Variants in USP42 observed in about 807,000 individuals in gnomAD.
USP42 encodes the protein ubiquitin specific peptidase 42.
In USP42, 23 loss-of-function variants were observed where a neutral mutation model predicts 113.0. That is an observed-to-expected ratio of 0.20 (90% CI 0.15 to 0.29). The LOEUF (loss-of-function observed/expected upper bound fraction) is 0.29, where lower values mean the gene tolerates loss of function less well. Among genes scored for constraint, USP42 ranks in the 10% least tolerant of loss-of-function variants. USP42 has a pLI of 1.00. For synonymous variants in USP42, 933 were observed against 699.0 expected (o/e 1.33, Z -5.28); for missense variants, 2,174 against 1,779.8 (o/e 1.22, Z -3.99).
At chr7:6,111,497 T>G (rs1271769412) in intron 2 of USP42, 123 bp downstream of exon 2, 6 of 1,145,342 alleles carry the variant, frequency 5.2e-6, no homozygotes, top group Non-Finnish European at 7.2e-6. Context: ...GCCAGCAGAG[T>G]TGTATTACTT....
chr7:6,086,598 C>A, the USP42 span, among the ~76,000 whole-genome samples: 1 of 150,776 alleles, frequency 6.6e-6, no homozygotes, highest in Non-Finnish European at 1.5e-5. Flanking sequence ...GATCCACCCC[C>A]CTCAACCTCC....
chr7:6,118,269 T>G, intron 3 of USP42, among the ~76,000 whole-genome samples: 1 of 151,948 alleles, frequency 6.6e-6, no homozygotes, highest in East Asian at 1.9e-4. Flanking sequence ...GTGTGGTGGT[T>G]CATGTGTTTT....
intron 6 of USP42, 35 bp from the exon 7 acceptor site, chr7:6,140,879 C>T (rs1259653750): frequency 8.3e-7 from 1 of 1,201,878 alleles, no homozygotes; most frequent in Non-Finnish European, 1.2e-6. Context: ...AATGATTATA[C>T]TTTGCTCATC....
At chr7:6,136,107 C>A (rs188408798) in intron 4 of USP42, among the ~76,000 whole-genome samples, 156 bp downstream of exon 4, 1 of 149,172 alleles carries the variant, frequency 6.7e-6, no homozygotes, top group Non-Finnish European at 1.5e-5. Flanking sequence ...CAGGTTCAAA[C>A]GATTGTCCTG....
chr7:6,130,595 C>T (rs1780799025), intron 3 of USP42, among the ~76,000 whole-genome samples: 1 of 152,176 alleles, frequency 6.6e-6, no homozygotes, highest in Non-Finnish European at 1.5e-5. Context: ...CAGCCTTCTC[C>T]ACCGTTAACC....
chr7:6,115,564 A>T lies in USP42; in HGVS notation c.442+41A>T, dbSNP rs774335010. The stretch of plus-strand genomic sequence containing the variant: ...TGTGTTTGTAGTATTGTAGTGCGCT[A>T]ACCTACTTTCATTTTTTCCTCTGAA... On this transcript the variant is annotated intron_variant, in intron 3 of 17. Coordinates refer to ENST00000306177, the MANE Select transcript of USP42 (RefSeq NM_032172.3). 4 of 1,595,514 alleles carry T rather than the reference A, an allele frequency of 2.5e-6. No individual in the cohort carries two copies. In the African/African-American group the frequency reaches 5.4e-5, roughly 21 times the overall value.
At chr7:6,123,503 A>C (rs1365355783) in intron 3 of USP42, among the ~76,000 whole-genome samples, 3 of 151,964 alleles carry the variant, frequency 2.0e-5, no homozygotes, top group African/African-American at 4.8e-5. Context: ...CTCTACTAAA[A>C]ATACAAATAT....
In USP42 at chr7:6,159,853, C is replaced by T. The variant is rs182471448; in HGVS notation, c.*36+360C>T. 1.3e-5 allele frequency among the ~76,000 whole-genome samples: 2 copies of T among 152,290 alleles called. No homozygotes were observed. The highest frequency in any genetic ancestry group is 2.4e-5 in the African/African-American group (1 of 41,540). On this transcript the variant is annotated intron_variant, in intron 17 of 17. Coordinates refer to ENST00000306177, the MANE Select transcript of USP42 (RefSeq NM_032172.3). The surrounding 1 kb of genome is among the most constrained non-coding windows in gnomAD (Gnocchi z 4.1). The stretch of plus-strand genomic sequence containing the variant: ...GAAGGGAGAGGCCCGGTCCCCAGCA[C>T]AGGCACCTCACTCAGGAGAGCGGAG...
rs960454940 is a variant in USP42, at chr7:6,159,060, G to A, written c.3944-390G>A. 3.8e-4 allele frequency among the ~76,000 whole-genome samples: 58 copies of A among 152,142 alleles called. No homozygotes were observed. The highest frequency in any genetic ancestry group is 1.3e-3 in the African/African-American group (55 of 41,430). ...CCTTTCTTGTCCTTCTGAGAAGGCC[G>A]CTGCCCGGCCCCGCCTCACCCAGCG... is the stretch of plus-strand genomic sequence containing the variant. On this transcript the variant is annotated intron_variant, in intron 16 of 17. Transcript: ENST00000306177. This position sits in a 1 kb window ranked among gnomAD's most constrained non-coding sequence, Gnocchi z 4.1.
intron 3 of USP42, among the ~76,000 whole-genome samples, chr7:6,135,299 T>C (rs529159408): frequency 6.6e-6 from 1 of 152,290 alleles, no homozygotes; most frequent in East Asian, 1.9e-4. Context: ...CTCTCTGAGC[T>C]TTTTTCCTTT....
At chr7:6,152,094 G>A (rs575436915) in intron 14 of USP42, among the ~76,000 whole-genome samples, 42 of 152,366 alleles carry the variant, frequency 2.8e-4, no homozygotes, top group African/African-American at 1.0e-3. Context: ...GGAGTGAGAG[G>A]AAGGGAATTT....
At chr7:6,085,315 T>TG in the USP42 span, 2 of 149,738 alleles carry the variant, frequency 1.3e-5, 1 homozygote, top group African/African-American at 5.0e-5. Context: ...TTAGTAGAGA[T>TG]GGGGTTTCAC....
In USP42 at chr7:6,151,074, T is replaced by A. The variant is rs138638823; in HGVS notation, c.2201+568T>A. 2.9e-3 allele frequency among the ~76,000 whole-genome samples: 442 copies of A among 152,296 alleles called. 3 individuals carry two copies. The highest frequency in any genetic ancestry group is 0.01 in the African/African-American group (428 of 41,542). On this transcript the variant is annotated intron_variant, in intron 14 of 17. Transcript: ENST00000306177. ...GTAGGCAGCTGTAATACAGTGGTAT[T>A]TGTGTATCTAAACATAGAAAAGGGA...
chr7:6,103,054 G>C (rs1031662962), upstream of USP42, among the ~76,000 whole-genome samples: 1 of 151,074 alleles, frequency 6.6e-6, no homozygotes, highest in Non-Finnish European at 1.5e-5. Context: ...AGAGAGGAAA[G>C]GTCTGGTGAG....
Position 6,149,676 on chromosome 7 carries a change from A to C in USP42, c.1480A>C (p.Ser494Arg). ...PNGNSSVNRA[S>R]PVNASASVQN... The stretch of plus-strand genomic sequence containing the variant: ...CGGGAATTCCAGTGTCAACAGGGCT[A>C]GTCCTGTTAATGCTTCAGCTTCTGT... Residue 494 changes from serine (S) to arginine (R), a missense_variant, in exon 13 of 18, where the codon AGT becomes CGT. By Grantham distance (110) the Ser-to-Arg change is moderately radical. Transcript: ENST00000306177. The C allele has an allele frequency of 1.9e-6, 3 of 1,613,982 alleles. No individual in the cohort carries two copies. The highest frequency in any genetic ancestry group is 2.5e-6 in the Non-Finnish European group (3 of 1,179,892).
At chr7:6,111,416 G>T in intron 2 of USP42, 42 bp downstream of exon 2, 4 of 1,596,454 alleles carry the variant, frequency 2.5e-6, no homozygotes, top group Non-Finnish European at 3.4e-6. Flanking sequence ...AGAAACTCCT[G>T]TGTAAATGCT....
chr7:6,108,197 AAAAC>A (rs529058009), intron 1 of USP42, among the ~76,000 whole-genome samples: 31 of 152,272 alleles, frequency 2.0e-4, no homozygotes, highest in South Asian at 1.9e-3. Flanking sequence ...AAAACATAAC[AAAAC>A]AAACAAACAA....
chr7:6,142,435 C>G lies in USP42; in HGVS notation c.796-497C>G, dbSNP rs1212461828. ...GTTTTACCATGTTAGCCAGGATGGT[C>G]TGGATCTCCTGACCTCATGATCTGC... On this transcript the variant is annotated intron_variant, in intron 7 of 17. Transcript: ENST00000306177. Among the ~76,000 whole-genome samples, 22 of 152,116 alleles carry G rather than the reference C, an allele frequency of 1.4e-4. 1 individual carries two copies. Among genetic ancestry groups the G allele is most frequent in the Admixed American group, 1.4e-3 (21 of 15,278 alleles).
chr7:6,102,721 G>C (rs894591853), upstream of USP42, among the ~76,000 whole-genome samples: 2 of 150,900 alleles, frequency 1.3e-5, no homozygotes, highest in Admixed American at 1.3e-4. Flanking sequence ...CTGGGTACTG[G>C]AATTGAGGAG....
Sources: gnomAD v4.1 joint callset for allele counts (sites outside exome capture counted in the v4.1 genomes callset) on GRCh38, gnomAD v4.1.1 for gene constraint, Gnocchi (gnomAD v3.1) non-coding constraint, MANE v1.5 for transcripts, NCBI Gene and HGNC (gene_info 2026-07-23, HGNC 2026-07-21) for gene names.